The following HERC2 variants were observed in gnomAD, a reference collection of about 807,000 sequenced individuals.
The protein encoded by HERC2 is HECT and RLD domain containing E3 ubiquitin protein ligase 2.
A neutral mutation model predicts 537.7 loss-of-function variants in HERC2; 102 were observed. The observed-to-expected ratio is 0.19, with a 90% CI of 0.16 to 0.22. The LOEUF is 0.22. Among genes scored for constraint, HERC2 ranks in the 10% least tolerant of loss-of-function variants. The pLI is 1.00. For synonymous variants in HERC2, 2,224 were observed against 2,466.2 expected (o/e 0.90, Z 2.91); for missense variants, 4,236 against 6,198.2 (o/e 0.68, Z 10.63).
At chr15:28,276,320 G>A (rs768888456) in intron 5 of HERC2, among the ~76,000 whole-genome samples, 6 of 151,816 alleles carry the variant, frequency 4.0e-5, no homozygotes, top group Non-Finnish European at 8.8e-5. Flanking sequence ...ATCCACAAGT[G>A]CCTGAATAAT....
At position 28,220,738 on chromosome 15, in the gene HERC2, G is replaced by A. The variant is rs1052312095; in HGVS notation, c.5653-94C>T. 7.0e-6 allele frequency: 7 copies of A among 997,212 alleles called. No homozygotes were observed. The African/African-American group carries it at 1.1e-4, about 16-fold the overall frequency. 61.8% of individuals were successfully genotyped at this position (997,212 alleles called of 1,614,324 possible). A position where few individuals can be genotyped will look rare whatever the true frequency, so the allele number is the denominator to read the frequency against. ...GCAGACCTCAGTTAGGAGGGTGCAT[G>A]CCCTGCCCTGGTCCTTCCATGGCTC... On this transcript the variant is annotated intron_variant, in intron 36 of 92. Transcript: ENST00000261609.
At position 28,119,105 on chromosome 15, in the gene HERC2, T is replaced by C. The variant is rs1363505163; in HGVS notation, c.13273-1951A>G. Among the ~76,000 whole-genome samples the C allele has an allele frequency of 7.9e-5, 12 of 151,076 alleles. No individual in the cohort carries two copies. In the East Asian group the frequency reaches 2.2e-3, roughly 27 times the overall value. The stretch of plus-strand genomic sequence containing the variant: ...CAACACAGTGAAACCCTGTCACCAC[T>C]AAAAATACAAAAAAGGCTGGGTGCG... On this transcript the variant is annotated intron_variant, in intron 86 of 92. Transcript: ENST00000261609.
In HERC2 at chr15:28,141,552, G is replaced by A. The variant is rs369187425; in HGVS notation, c.11895C>T (p.Leu3965=). 6.1e-5 allele frequency: 99 copies of A among 1,613,964 alleles called. No individual in the cohort carries two copies. The highest frequency in any genetic ancestry group is 1.3e-4 in the Admixed American group (8 of 59,978). Residue 3965 remains leucine (L), a synonymous_variant, in exon 78 of 93, where the codon CTC becomes CTT. Coordinates refer to ENST00000261609, the MANE Select transcript of HERC2 (RefSeq NM_004667.6). ...YGWGHNHRGQ[L]GGIEGAKVKV... The stretch of plus-strand genomic sequence containing the variant: ...TGACTTTTGCGCCTTCAATGCCCCC[G>A]AGCTGGCCCCTGTGATTATGTCCCC...
At position 28,214,808 on chromosome 15, in the gene HERC2, A is replaced by G; in HGVS notation, c.6211-6T>C. 6.2e-7 allele frequency: 1 copy of G among 1,603,916 alleles called. No individual in the cohort carries two copies. The highest frequency in any genetic ancestry group is 1.1e-5 in the South Asian group (1 of 89,544). The stretch of plus-strand genomic sequence containing the variant: ...AACAAATGCACAGCTAAGATCTGAT[A>G]AAAGAAAATTTATAACGACAAGCAT... On this transcript the variant is annotated splice_region_variant and splice_polypyrimidine_tract_variant and intron_variant, in intron 39 of 92. Transcript: ENST00000261609.
chr15:28,236,650 T>C (rs1425555455), intron 26 of HERC2, among the ~76,000 whole-genome samples: 1 of 151,856 alleles, frequency 6.6e-6, no homozygotes, highest in Non-Finnish European at 1.5e-5. Context: ...TGCAGTGGTA[T>C]GATCATGACT....
At chr15:28,299,767 C>T (rs1424297984) in intron 2 of HERC2, among the ~76,000 whole-genome samples, 17 of 151,992 alleles carry the variant, frequency 1.1e-4, no homozygotes, top group Non-Finnish European at 1.8e-4. Context: ...AAAAATGACA[C>T]GTGGTCGGGC....
At chr15:28,256,701 T>C (rs2075273307) in intron 17 of HERC2, among the ~76,000 whole-genome samples, 1 of 152,174 alleles carries the variant, frequency 6.6e-6, no homozygotes, top group African/African-American at 2.4e-5. Flanking sequence ...TTCATGCCAT[T>C]TTCCTGACTC....
intron 4 of HERC2, among the ~76,000 whole-genome samples, chr15:28,288,552 A>AG (rs2076223420): frequency 6.7e-6 from 1 of 148,890 alleles, no homozygotes; most frequent in Non-Finnish European, 1.5e-5. Context: ...AAAAAAAAAA[A>AG]GAGGCCAGGT....
rs767001274 is a variant in HERC2 at position 28,229,689 on chromosome 15, C to T, written c.4968G>A (p.Lys1656=). 29 of 1,611,972 alleles carry T rather than the reference C, an allele frequency of 1.8e-5. No individual in the cohort carries two copies. Among genetic ancestry groups the T allele is most frequent in the Non-Finnish European group, 2.5e-5 (29 of 1,179,816 alleles). ...EEPVDVEKMR[K]CLLKQLERAE... is the part of the protein sequence containing the mutation. ...CAAATGTTACCTGTTTTAGTAGGCA[C>T]TTTCTCATTTTTTCCACATCCACTG... is the stretch of plus-strand genomic sequence containing the variant. Residue 1656 remains lysine (K), a synonymous_variant, in exon 32 of 93, where the codon AAG becomes AAA. Transcript: ENST00000261609.
chr15:28,265,871 C>G lies in HERC2; in HGVS notation c.1702G>C (p.Ala568Pro). The G allele has an allele frequency of 6.2e-7, 1 of 1,614,184 alleles. No homozygotes were observed. ...CGSTYSAAIT[A>P]EGELYTWGRG... ...CCCCAGGTGTACAGCTCCCCCTCGG[C>G]AGTGATGGCCGCACTGTAAGTGCTC... The change falls in exon 13 of 93, where the codon GCC becomes CCC. Residue 568 changes from alanine (A) to proline (P), a missense_variant. By Grantham distance (27) the Ala-to-Pro change is conservative (BLOSUM62 -1). Around this residue, in one of 27 missense-constraint regions of HERC2, gnomAD observed 754 missense variants for 1,085.0 expected, o/e 0.69. Coordinates refer to ENST00000261609, the MANE Select transcript of HERC2 (RefSeq NM_004667.6). The surrounding 1 kb of genome is among the most constrained non-coding windows in gnomAD (Gnocchi z 4.0).
At position 28,256,155 on chromosome 15, in the gene HERC2, A is replaced by C; in HGVS notation, c.2680T>G (p.Trp894Gly). 1 of 1,602,300 alleles carries C rather than the reference A, an allele frequency of 6.2e-7. No homozygotes were observed. Among genetic ancestry groups the C allele is most frequent in the Non-Finnish European group, 8.5e-7 (1 of 1,179,766 alleles). The change falls in exon 18 of 93, where the codon TGG becomes GGG. Residue 894 changes from tryptophan (W) to glycine (G), a missense_variant. This residue lies in a region of HERC2 where 754 missense variants were observed against 1,085.0 expected (regional missense o/e 0.69). Coordinates refer to ENST00000261609, the MANE Select transcript of HERC2 (RefSeq NM_004667.6). ...SAAQAVLQSGWSVLLPTAEER... is the reference protein window; with the variant it reads ...SAAQAVLQSGGSVLLPTAEER... ...TCCGCGGTGGGCAGCAGCACGGACC[A>C]GCCACTCTGCAGCACGGCCTGGGCG...
chr15:28,132,494 T>A (rs754040024), intron 80 of HERC2, among the ~76,000 whole-genome samples, 159 bp downstream of exon 80: 2 of 152,234 alleles, frequency 1.3e-5, no homozygotes, highest in African/African-American at 4.8e-5. Flanking sequence ...CAACCCTACA[T>A]CACCATGAAG....
At position 28,130,169 on chromosome 15, in the gene HERC2, C is replaced by T; in HGVS notation, c.12796G>A (p.Glu4266Lys). The T allele has an allele frequency of 6.2e-7, 1 of 1,614,166 alleles. No individual in the cohort carries two copies. Among genetic ancestry groups the T allele is most frequent in the Non-Finnish European group, 8.5e-7 (1 of 1,180,016 alleles). The change falls in exon 83 of 93, where the codon GAG becomes AAG. Residue 4266 changes from glutamate (E) to lysine (K), a missense_variant. Physicochemically the swap from Glu to Lys is moderately conservative, Grantham distance 56 (BLOSUM62 1). Transcript: ENST00000261609. Reference sequence around the variant, plus strand: ...GCACTGAGCCCCTACCTACCATCCTCTGTGCAGCACACACAGTGCAGGGAG... The same window carrying T: ...GCACTGAGCCCCTACCTACCATCCTTTGTGCAGCACACACAGTGCAGGGAG... ...TGSLHCVCCTEDGEVYTWGDN... is the reference protein window; with the variant it reads ...TGSLHCVCCTKDGEVYTWGDN...
intron 20 of HERC2, among the ~76,000 whole-genome samples, chr15:28,251,742 G>A (rs769705234): frequency 6.6e-6 from 1 of 152,148 alleles, no homozygotes; most frequent in African/African-American, 2.4e-5. Flanking sequence ...AGAGGTTACA[G>A]TGAGCCAAGA....
intron 66 of HERC2, among the ~76,000 whole-genome samples, chr15:28,168,955 A>G (rs1894425881): frequency 6.6e-6 from 1 of 152,242 alleles, no homozygotes; most frequent in Non-Finnish European, 1.5e-5. Context: ...TGAAAGCCAC[A>G]TACTGAGCAG....
intron 19 of HERC2, among the ~76,000 whole-genome samples, chr15:28,255,438 A>C (rs183785353): frequency 5.3e-5 from 8 of 151,686 alleles, no homozygotes; most frequent in South Asian, 4.2e-4. Flanking sequence ...ATAATAAAAA[A>C]GAAGTCACAA....
chr15:28,308,856 G>A (rs1013852394), intron 2 of HERC2, among the ~76,000 whole-genome samples: 1 of 152,170 alleles, frequency 6.6e-6, no homozygotes, highest in Non-Finnish European at 1.5e-5. Context: ...CAATTGATTT[G>A]CATATGTTGA....
intron 52 of HERC2, among the ~76,000 whole-genome samples, chr15:28,194,465 G>A (rs567389904): frequency 2.6e-5 from 4 of 151,646 alleles, no homozygotes; most frequent in African/African-American, 7.2e-5. Context: ...AGCTACTCGG[G>A]AGGCTGAAGC....
rs1887896426 is a variant in HERC2, at chr15:28,113,611, G to A, written c.13981C>T (p.Leu4661Phe). 1.2e-6 allele frequency: 2 copies of A among 1,614,212 alleles called. No homozygotes were observed. The highest frequency in any genetic ancestry group is 2.2e-5 in the East Asian group (1 of 44,878). The change falls in exon 91 of 93, where the codon CTC becomes TTC. Residue 4661 changes from leucine (L) to phenylalanine (F), a missense_variant. By Grantham distance (22) the Leu-to-Phe change is conservative. Transcript: ENST00000261609. The surrounding 1 kb of genome is among the most constrained non-coding windows in gnomAD (Gnocchi z 7.0). ...TCGTAGCCGGTGAACAGAGAGAGGAGGGGAACAGGCACAACGCGGGCCATT... is the reference window on the plus strand; with the variant it reads ...TCGTAGCCGGTGAACAGAGAGAGGAAGGGAACAGGCACAACGCGGGCCATT... ...EGMARVVPVP[L>F]LSLFTGYELE... is the part of the protein sequence containing the mutation.
Sources: gnomAD v4.1 joint callset for allele counts (sites outside exome capture counted in the v4.1 genomes callset) on GRCh38, gnomAD v4.1.1 for gene constraint, gnomAD v4.1.1 regional missense constraint, Gnocchi (gnomAD v3.1) non-coding constraint, MANE v1.5 for transcripts, NCBI Gene and HGNC (gene_info 2026-07-23, HGNC 2026-07-21) for gene names.